ME1: variants seen among roughly 807,000 people sequenced by gnomAD.
The protein encoded by ME1 is NADP-dependent malic enzyme.
A neutral mutation model predicts 66.4 loss-of-function variants in ME1; 74 were observed. The ratio of observed to expected loss-of-function variants is 1.11; its 90% CI spans 0.92 to 1.35. The LOEUF (loss-of-function observed/expected upper bound fraction) is 1.35, where lower values mean the gene tolerates loss of function less well. ME1 is among the 40% of genes most tolerant of loss of function. The pLI is 0.00. For missense variants in ME1, 750 were observed against 694.1 expected, an observed-to-expected ratio of 1.08 and a Z score of -0.90; for synonymous variants, 251 against 235.6, an observed-to-expected ratio of 1.07 and a Z score of -0.60.
At chr6:83,418,317 T>C (rs1026571166) in intron 1 of ME1, among the ~76,000 whole-genome samples, 2 of 152,108 alleles carry the variant, frequency 1.3e-5, no homozygotes, top group Admixed American at 6.5e-5. Flanking sequence ...AGAGAGCCAA[T>C]GGTAATGGTG....
In ME1 at chr6:83,426,270, TCCTTTC is replaced by T. The variant is rs1160867282; in HGVS notation, c.78+4601_78+4606del. Among the ~76,000 whole-genome samples the T allele has an allele frequency of 8.5e-5, 13 of 152,288 alleles. No individual in the cohort carries two copies. The South Asian group carries it at 1.2e-3, about 15-fold the overall frequency. ...GAAAAAGGCAAAATCTCAAATCCAT[TCCTTTC>T]TTCAATATTTTTTATACTCCATATC... On this transcript the variant is annotated intron_variant, in intron 1 of 13. Coordinates refer to ENST00000369705, the MANE Select transcript of ME1 (RefSeq NM_002395.6).
At chr6:83,249,372 A>G (rs1790681923) in intron 7 of ME1, among the ~76,000 whole-genome samples, 1 of 151,938 alleles carries the variant, frequency 6.6e-6, no homozygotes, top group Non-Finnish European at 1.5e-5. Flanking sequence ...GACTAAGGGT[A>G]TGCGCCACCA....
chr6:83,411,494 T>C (rs759789225), intron 1 of ME1, among the ~76,000 whole-genome samples: 56 of 152,186 alleles, frequency 3.7e-4, no homozygotes, highest in African/African-American at 1.3e-3. Flanking sequence ...ATGGATATTG[T>C]ATTATTTCTT....
At chr6:83,215,251 C>A (rs1284640942) in intron 13 of ME1, among the ~76,000 whole-genome samples, 1 of 152,108 alleles carries the variant, frequency 6.6e-6, no homozygotes, top group African/African-American at 2.4e-5. Context: ...GATTTTCAAT[C>A]TGGAGCAATT....
chr6:83,427,158 C>T (rs1174756009), intron 1 of ME1, among the ~76,000 whole-genome samples: 1 of 152,102 alleles, frequency 6.6e-6, no homozygotes, highest in Non-Finnish European at 1.5e-5. Flanking sequence ...ATAGTTAGGG[C>T]TATGCACAGA....
intron 11 of ME1, among the ~76,000 whole-genome samples, chr6:83,225,288 T>C (rs1471053463): frequency 6.6e-6 from 1 of 151,608 alleles, no homozygotes; most frequent in Non-Finnish European, 1.5e-5. Context: ...AAAGAACATT[T>C]GTCTGTGATG....
intron 5 of ME1, among the ~76,000 whole-genome samples, chr6:83,321,974 T>G (rs1488557954): frequency 2.0e-5 from 3 of 152,196 alleles, no homozygotes; most frequent in Admixed American, 6.5e-5. Flanking sequence ...CAATCTTTGC[T>G]GTTCTGCAGC....
chr6:83,301,620 G>A (rs1767722329), intron 6 of ME1, among the ~76,000 whole-genome samples: 1 of 152,088 alleles, frequency 6.6e-6, no homozygotes, highest in East Asian at 1.9e-4. Context: ...TGGGATTACA[G>A]GCACGAGCCA....
chr6:83,392,030 T>A (rs1769631943), intron 3 of ME1, among the ~76,000 whole-genome samples: 1 of 152,222 alleles, frequency 6.6e-6, no homozygotes, highest in Non-Finnish European at 1.5e-5. Context: ...TCTTTTGGAA[T>A]ATATGCACAC....
rs542231095 is a variant in ME1 at position 83,406,852 on chromosome 6, C to CT, written c.212+915_212+916insA. Among the ~76,000 whole-genome samples the CT allele has an allele frequency of 2.5e-4, 38 of 152,206 alleles. 1 individual carries two copies. The South Asian group carries it at 7.3e-3, about 29-fold the overall frequency. ...TTTGCCAGCACACTGCCTTTGGACT[C>CT]AACTGCAACTCTTCCTTCAGTCTTC... On this transcript the variant is annotated intron_variant, in intron 2 of 13. Coordinates refer to ENST00000369705, the MANE Select transcript of ME1 (RefSeq NM_002395.6).
intron 1 of ME1, among the ~76,000 whole-genome samples, chr6:83,408,886 T>C (rs1185093813): frequency 6.6e-6 from 1 of 152,146 alleles, no homozygotes; most frequent in East Asian, 1.9e-4. Flanking sequence ...CAATATGATA[T>C]GATAGTTGGT....
rs771956898 is a variant in ME1, at chr6:83,211,977, A to C, written c.1666T>G (p.Cys556Gly). The C allele has an allele frequency of 3.7e-6, 6 of 1,609,428 alleles. No individual in the cohort carries two copies. The highest frequency in any genetic ancestry group is 1.7e-5 in the Admixed American group (1 of 59,794). Residue 556 changes from cysteine to glycine, a missense_variant, in exon 14 of 14, where the codon TGT (cysteine) becomes GGT (glycine). Cys to Gly is a radical substitution (Grantham distance 159). Coordinates refer to ENST00000369705, the MANE Select transcript of ME1 (RefSeq NM_002395.6). ...STDYDQILPD[C>G]YSWPEEVQKI... ...TGCACCTCTTCAGGCCAAGAATAACAATCAGGTAGAATCTGGTCATAATCA... is the reference window on the plus strand; with the variant it reads ...TGCACCTCTTCAGGCCAAGAATAACCATCAGGTAGAATCTGGTCATAATCA...
intron 3 of ME1, among the ~76,000 whole-genome samples, chr6:83,376,804 C>CAAAAAAAAAAAAAAAAAAAA (rs70987750): frequency 0.038 from 3,195 of 85,014 alleles, 207 homozygotes; most frequent in Admixed American, 0.067. Context: ...CCCTGTCTCA[C>CAAAAAAAAAAAAAAAAAAAA]AAAAAAAAAA....
chr6:83,390,498 T>C (rs1769600436), intron 3 of ME1, among the ~76,000 whole-genome samples: 1 of 152,142 alleles, frequency 6.6e-6, no homozygotes, highest in South Asian at 2.1e-4. Flanking sequence ...TCTAATTAAA[T>C]ACAACACCTA....
At chr6:83,395,385 C>A (rs544329293) in intron 3 of ME1, among the ~76,000 whole-genome samples, 190 of 151,936 alleles carry the variant, frequency 1.3e-3, no homozygotes, top group African/African-American at 4.5e-3. Context: ...CCATGCCCAG[C>A]CAATCTCTTT....
chr6:83,429,557 G>GA (rs1213812576), intron 1 of ME1, among the ~76,000 whole-genome samples: 4 of 151,642 alleles, frequency 2.6e-5, no homozygotes, highest in South Asian at 4.2e-4. Flanking sequence ...AATAATAAAA[G>GA]AAAAGAAAAA....
At chr6:83,269,159 C>G (rs1268952564) in intron 6 of ME1, among the ~76,000 whole-genome samples, 1 of 152,100 alleles carries the variant, frequency 6.6e-6, no homozygotes, top group African/African-American at 2.4e-5. Flanking sequence ...AAATGAAATA[C>G]TCAGTGCTAA....
intron 5 of ME1, among the ~76,000 whole-genome samples, chr6:83,327,944 A>G (rs1768333666): frequency 6.6e-6 from 1 of 152,160 alleles, no homozygotes; most frequent in Admixed American, 6.6e-5. Context: ...AAAATAGAAA[A>G]GAACCTACGT....
At chr6:83,428,502 T>C (rs764312237) in intron 1 of ME1, among the ~76,000 whole-genome samples, 6 of 152,194 alleles carry the variant, frequency 3.9e-5, no homozygotes, top group Admixed American at 2.6e-4. Flanking sequence ...GAAGAAGACA[T>C]GTGACAGGCT....
Sources: gnomAD v4.1 joint callset for allele counts (sites outside exome capture counted in the v4.1 genomes callset) on GRCh38, gnomAD v4.1.1 for gene constraint, MANE v1.5 for transcripts, NCBI Gene and HGNC (gene_info 2026-07-23, HGNC 2026-07-21) for gene names.